The following ZNF791 variants were observed in gnomAD, a reference collection of about 807,000 sequenced individuals.
ZNF791 encodes zinc finger protein 791.
ZNF791 carries 4 observed loss-of-function variants against 11.5 expected under a neutral mutation model. That is an observed-to-expected ratio of 0.35 (90% CI 0.17 to 0.80). The LOEUF (loss-of-function observed/expected upper bound fraction) is 0.80, where lower values mean the gene tolerates loss of function less well. ZNF791 is among the 30% of genes least tolerant of loss of function. The probability of loss-of-function intolerance (pLI) is 0.53; values close to 1 mark genes in which losing one functional copy is unlikely to be tolerated. For missense variants in ZNF791, 559 were observed against 699.4 expected, an observed-to-expected ratio of 0.80 and a Z score of 2.26; for synonymous variants, 212 against 228.1, an observed-to-expected ratio of 0.93 and a Z score of 0.64.
intron 1 of ZNF791, among the ~76,000 whole-genome samples, chr19:12,619,618 T>A (rs2023305003): frequency 6.6e-6 from 1 of 151,530 alleles, no homozygotes; most frequent in African/African-American, 2.4e-5. Flanking sequence ...CCTGGCTAAT[T>A]TTTTGTATTT....
In ZNF791 at chr19:12,628,972, T is replaced by C; in HGVS notation, c.1443T>C (p.Ser481=). 1 of 1,614,004 alleles carries C rather than the reference T, an allele frequency of 6.2e-7. No individual in the cohort carries two copies. The highest frequency in any genetic ancestry group is 8.5e-7 in the Non-Finnish European group (1 of 1,179,972). The change falls in exon 4 of 4, where the codon AGT becomes AGC. Residue 481 remains serine, a synonymous_variant. Transcript: ENST00000343325. ...KQCGKAFSCS[S]YIRIHKRTHT... is the part of the protein sequence containing the mutation. Reference sequence around the variant, plus strand: ...GTGGAAAAGCCTTTAGTTGTTCTAGTTACATTCGGATACATAAAAGAACTC... The same window carrying C: ...GTGGAAAAGCCTTTAGTTGTTCTAGCTACATTCGGATACATAAAAGAACTC...
chr19:12,612,616 AT>A (rs767002893), intron 1 of ZNF791, among the ~76,000 whole-genome samples: 13,971 of 111,458 alleles, frequency 0.13, 1,001 homozygotes, highest in Non-Finnish European at 0.18. Flanking sequence ...TAATTTTTGT[AT>A]TTTTTTTTTT....
chr19:12,627,191 C>A (rs77138394), intron 3 of ZNF791, among the ~76,000 whole-genome samples: 2,073 of 115,170 alleles, frequency 0.018, 37 homozygotes, highest in African/African-American at 0.061. Flanking sequence ...AAAATGAAAC[C>A]AAAAAAAAAA....
intron 1 of ZNF791, 142 bp downstream of exon 1, chr19:12,611,224 C>A: frequency 8.7e-7 from 1 of 1,154,100 alleles, no homozygotes; most frequent in Non-Finnish European, 1.2e-6. Flanking sequence ...GCGGCGACTG[C>A]GGTCCCAGCC....
In ZNF791 at chr19:12,622,907, A is replaced by G. The variant is rs560269433; in HGVS notation, c.4-793A>G. On this transcript the variant is annotated intron_variant, in intron 1 of 3. Coordinates refer to ENST00000343325, the MANE Select transcript of ZNF791 (RefSeq NM_153358.3). ...AGACTCCGTCTCAAAAAAAAAAAAA[A>G]AAAGAAAGAAAAAAAACCCATTTAT... 2.4e-4 allele frequency among the ~76,000 whole-genome samples: 23 copies of G among 97,616 alleles called. 1 individual carries two copies. In the South Asian group the frequency reaches 2.9e-3, roughly 12 times the overall value. 64.0% of individuals were successfully genotyped at this position (97,616 alleles called of 152,430 possible). A position where few individuals can be genotyped will look rare whatever the true frequency, so the allele number is the denominator to read the frequency against.
At chr19:12,615,071 G>A (rs2023226493) in intron 1 of ZNF791, among the ~76,000 whole-genome samples, 2 of 132,098 alleles carry the variant, frequency 1.5e-5, no homozygotes, top group Admixed American at 8.6e-5. Context: ...CCAGGCTGGA[G>A]TGCAGTGATG....
At chr19:12,625,382 A>G (rs896639958) in intron 3 of ZNF791, among the ~76,000 whole-genome samples, 2 of 151,708 alleles carry the variant, frequency 1.3e-5, no homozygotes, top group East Asian at 4.0e-4. Context: ...CAGCCTTCCA[A>G]AGTGCTGGGA....
At chr19:12,621,017 T>C (rs939866486) in intron 1 of ZNF791, among the ~76,000 whole-genome samples, 1 of 152,174 alleles carries the variant, frequency 6.6e-6, no homozygotes, top group Admixed American at 6.6e-5. Context: ...TGCCTCGGCC[T>C]CCCACAGTGC....
chr19:12,611,163 T>A, intron 1 of ZNF791, 81 bp downstream of exon 1: 1 of 1,576,876 alleles, frequency 6.3e-7, no homozygotes, highest in East Asian at 2.3e-5. Context: ...CCGGCCGCAG[T>A]GTGGGGCTGG....
chr19:12,611,110 A>T (rs769459217), intron 1 of ZNF791, 28 bp downstream of exon 1: 1 of 1,613,610 alleles, frequency 6.2e-7, no homozygotes, highest in South Asian at 1.1e-5. Flanking sequence ...GACTAGTTGG[A>T]ACCGGCCGTG....
rs2023522577 is a variant in ZNF791 at position 12,633,368 on chromosome 19, C to A, written c.*4108C>A. 1 of 152,040 alleles carries A rather than the reference C, an allele frequency of 6.6e-6. No individual in the cohort carries two copies. 9.4% of individuals were successfully genotyped at this position (152,040 alleles called of 1,614,324 possible). On this transcript the variant is annotated 3_prime_UTR_variant, in exon 4 of 4. Coordinates refer to ENST00000343325, the MANE Select transcript of ZNF791 (RefSeq NM_153358.3). ...CAGGTAAATTTCCTAGAATCTGTTC[C>A]CTTTATAGATCCATGTTGAAATTCA...
chr19:12,628,660 TCA>T lies in ZNF791; in HGVS notation c.1135_1136del (p.Thr379TrpfsTer8). 3.1e-6 allele frequency: 5 copies of T among 1,605,872 alleles called. No individual in the cohort carries two copies. Among genetic ancestry groups the T allele is most frequent in the Non-Finnish European group, 4.2e-6 (5 of 1,176,858 alleles). Reference sequence around the variant, plus strand: ...GTTACTTTCGAATACATGAAAGGACTCACACTGGAGAGAAACCCTACGAATGT... The same window carrying T: ...GTTACTTTCGAATACATGAAAGGACTCACTGGAGAGAAACCCTACGAATGT... ...ISYFRIHERTHTGEKPYECKK... is the reference protein window; with the variant it reads ...ISYFRIHERTXTGEKPYECKK... On this transcript the variant is annotated frameshift_variant, in exon 4 of 4. Coordinates refer to ENST00000343325, the MANE Select transcript of ZNF791 (RefSeq NM_153358.3). LOFTEE classifies it low-confidence loss of function (END_TRUNC).
chr19:12,611,233 C>A, intron 1 of ZNF791, 151 bp downstream of exon 1: 2 of 1,068,246 alleles, frequency 1.9e-6, no homozygotes, highest in Non-Finnish European at 2.7e-6. Flanking sequence ...GCGGTCCCAG[C>A]CCCGGAGCCC....
chr19:12,611,123 C>G, intron 1 of ZNF791, 41 bp downstream of exon 1: 1 of 1,612,206 alleles, frequency 6.2e-7, no homozygotes, highest in Non-Finnish European at 8.5e-7. Context: ...CGGCCGTGAT[C>G]GCGGGACCCG....
chr19:12,623,874 G>GGAC, intron 2 of ZNF791, 48 bp downstream of exon 2: 1 of 948,384 alleles, frequency 1.1e-6, no homozygotes, highest in Non-Finnish European at 1.5e-6. Context: ...TTTTTTTGGG[G>GGAC]GGGGACAGAG....
At chr19:12,623,594 C>G in intron 1 of ZNF791, 106 bp from the exon 2 acceptor site, 1 of 1,452,300 alleles carries the variant, frequency 6.9e-7, no homozygotes, top group East Asian at 2.3e-5. Context: ...GAGTCATGCA[C>G]TAAATGTTTG....
At chr19:12,617,244 A>G (rs1032827315) in intron 1 of ZNF791, among the ~76,000 whole-genome samples, 5 of 148,094 alleles carry the variant, frequency 3.4e-5, no homozygotes, top group Non-Finnish European at 6.0e-5. Context: ...TCCTGCCTCA[A>G]CCTCTCAAGT....
intron 1 of ZNF791, among the ~76,000 whole-genome samples, chr19:12,615,530 C>T (rs1188245326): frequency 6.6e-6 from 1 of 152,090 alleles, no homozygotes; most frequent in Non-Finnish European, 1.5e-5. Context: ...CCTGTAATCC[C>T]AGCTCTTTGG....
intron 1 of ZNF791, among the ~76,000 whole-genome samples, chr19:12,616,142 C>A (rs778764466): frequency 2.7e-4 from 41 of 152,126 alleles, no homozygotes; most frequent in Non-Finnish European, 5.0e-4. Context: ...AAAGTGATAT[C>A]TCTTCAGTTT....
Sources: allele counts gnomAD v4.1 joint callset (sites outside exome capture counted in the v4.1 genomes callset), GRCh38; gene constraint gnomAD v4.1.1; transcripts MANE v1.5; gene names NCBI Gene and HGNC (gene_info 2026-07-23, HGNC 2026-07-21).